The following FNIP1 variants were observed in gnomAD, a reference collection of about 807,000 sequenced individuals.
FNIP1 encodes the protein folliculin interacting protein 1, also known as folliculin-interacting protein 1.
FNIP1 carries 40 observed loss-of-function variants against 124.5 expected under a neutral mutation model. That is an observed-to-expected ratio of 0.32 (90% confidence interval 0.25 to 0.42). FNIP1 has a LOEUF of 0.42. Among genes scored for constraint, FNIP1 ranks in the 10% least tolerant of loss-of-function variants. The pLI is 1.00. For synonymous variants in FNIP1, 472 were observed against 470.6 expected, an observed-to-expected ratio of 1.00 and a Z score of -0.04; for missense variants, 1,176 against 1,403.7, an observed-to-expected ratio of 0.84 and a Z score of 2.59.
At chr5:131,699,881 T>C (rs1252839502) in intron 10 of FNIP1, among the ~76,000 whole-genome samples, 1 of 119,802 alleles carries the variant, frequency 8.3e-6, no homozygotes, top group Non-Finnish European at 1.6e-5. Flanking sequence ...ATGCCACTGC[T>C]GCACTCCAGC....
intron 13 of FNIP1, among the ~76,000 whole-genome samples, chr5:131,675,107 C>T (rs372641588): frequency 6.0e-4 from 91 of 152,298 alleles, no homozygotes; most frequent in South Asian, 4.1e-3. Context: ...CATCCTTATT[C>T]GCACAAAGCC....
chr5:131,766,228 G>T (rs1431212465), intron 1 of FNIP1, among the ~76,000 whole-genome samples: 1 of 151,890 alleles, frequency 6.6e-6, no homozygotes. Flanking sequence ...GAGGACTACA[G>T]AAAGGGTCTT....
intron 1 of FNIP1, among the ~76,000 whole-genome samples, chr5:131,756,508 A>C (rs1771056858): frequency 6.6e-6 from 1 of 152,196 alleles, no homozygotes; most frequent in South Asian, 2.1e-4. Flanking sequence ...GTTGAGGGGA[A>C]GGAATCAGAA....
chr5:131,725,140 C>A lies in FNIP1; in HGVS notation c.355-5723G>T, dbSNP rs183927998. 2.0e-5 allele frequency among the ~76,000 whole-genome samples: 3 copies of A among 152,260 alleles called. No homozygotes were observed. In the East Asian group the frequency reaches 5.8e-4, roughly 29 times the overall value. On this transcript the variant is annotated intron_variant, in intron 3 of 17. Coordinates refer to ENST00000510461, the MANE Select transcript of FNIP1 (RefSeq NM_133372.3). ...AGTTTGAAGTCAGGTAGCGTGATGCCTCCAGCTTTGTTCTTTTGGCTTAGG... is the reference window on the plus strand; with the variant it reads ...AGTTTGAAGTCAGGTAGCGTGATGCATCCAGCTTTGTTCTTTTGGCTTAGG...
At chr5:131,771,415 G>C (rs914413645) in intron 1 of FNIP1, among the ~76,000 whole-genome samples, 1 of 152,126 alleles carries the variant, frequency 6.6e-6, no homozygotes, top group African/African-American at 2.4e-5. Flanking sequence ...GGATAGGAAA[G>C]AACTGGCCAG....
intron 1 of FNIP1, among the ~76,000 whole-genome samples, chr5:131,759,949 C>T (rs903727034): frequency 4.6e-5 from 7 of 152,134 alleles, no homozygotes; most frequent in African/African-American, 1.4e-4. Flanking sequence ...AACATGGAGG[C>T]GGCTGGAAGC....
At chr5:131,732,810 G>A (rs1413284637) in intron 2 of FNIP1, among the ~76,000 whole-genome samples, 3 of 152,128 alleles carry the variant, frequency 2.0e-5, no homozygotes, top group Non-Finnish European at 2.9e-5. Context: ...TTGGCAATGT[G>A]GGCTCTTTTT....
At chr5:131,709,313 C>T (rs1769215361) in intron 7 of FNIP1, 41 bp from the exon 8 acceptor site, 2 of 1,533,318 alleles carry the variant, frequency 1.3e-6, no homozygotes, top group Non-Finnish European at 9.0e-7. Context: ...AAATATATTG[C>T]TATTCAGGTG....
intron 10 of FNIP1, among the ~76,000 whole-genome samples, chr5:131,702,727 C>T (rs1468115199): frequency 2.0e-5 from 3 of 152,172 alleles, no homozygotes; most frequent in African/African-American, 4.8e-5. Context: ...ATTTACTATA[C>T]ATATTTGTAT....
At chr5:131,666,177 G>A (rs534763935) in intron 15 of FNIP1, among the ~76,000 whole-genome samples, 4 of 152,244 alleles carry the variant, frequency 2.6e-5, no homozygotes, top group East Asian at 3.9e-4. Flanking sequence ...GTGAGCCACC[G>A]TGCCTGGCCA....
intron 6 of FNIP1, among the ~76,000 whole-genome samples, chr5:131,713,575 C>A (rs1769372111): frequency 8.4e-6 from 1 of 119,678 alleles, no homozygotes; most frequent in Admixed American, 9.3e-5. Context: ...CTACAATATA[C>A]CTATCTAACT....
At chr5:131,648,561 T>C (rs1236449260) in intron 16 of FNIP1, among the ~76,000 whole-genome samples, 1 of 152,186 alleles carries the variant, frequency 6.6e-6, no homozygotes, top group Non-Finnish European at 1.5e-5. Context: ...TTATAGTGTA[T>C]GTTTTTTCAC....
intron 3 of FNIP1, among the ~76,000 whole-genome samples, chr5:131,721,613 A>G (rs559307605): frequency 5.6e-4 from 85 of 152,290 alleles, no homozygotes; most frequent in Admixed American, 1.4e-3. Flanking sequence ...CCTGGCCAAC[A>G]TGGTGAAACC....
intron 3 of FNIP1, among the ~76,000 whole-genome samples, chr5:131,726,986 AAT>A (rs1769899059): frequency 6.6e-6 from 1 of 152,156 alleles, no homozygotes; most frequent in African/African-American, 2.4e-5. Flanking sequence ...CCTGAATTCT[AAT>A]TTGATTGCAC....
In FNIP1 at chr5:131,693,333, C is replaced by CACATATATAT. The variant is rs1290529554; in HGVS notation, c.1202+5583_1202+5584insATATATATGT. 6.9e-3 allele frequency among the ~76,000 whole-genome samples: 346 copies of CACATATATAT among 50,140 alleles called. 11 individuals are homozygous for CACATATATAT. The highest frequency in any genetic ancestry group is 0.017 in the African/African-American group (245 of 14,704). 32.9% of individuals were successfully genotyped at this position (50,140 alleles called of 152,430 possible). On this transcript the variant is annotated intron_variant, in intron 11 of 17. Transcript: ENST00000510461. ...ATATATATACACATATATATATATACATATATATATATATATATATATATA... is the reference window on the plus strand; with the variant it reads ...ATATATATACACATATATATATATACACATATATATATATATATATATATATATATATATA...
At chr5:131,719,452 A>C in intron 3 of FNIP1, 35 bp from the exon 4 acceptor site, 1 of 1,545,078 alleles carries the variant, frequency 6.5e-7, no homozygotes, top group Non-Finnish European at 8.8e-7. Flanking sequence ...AACTGTGTTA[A>C]TTAAAAGCTT....
intron 1 of FNIP1, among the ~76,000 whole-genome samples, chr5:131,758,588 G>GT (rs1771124905): frequency 6.6e-6 from 1 of 152,132 alleles, no homozygotes; most frequent in African/African-American, 2.4e-5. Context: ...TTAAACGTTG[G>GT]TAAGAAAACT....
intron 1 of FNIP1, chr5:131,796,552 G>A (rs1772603345): frequency 4.0e-6 from 2 of 502,488 alleles, no homozygotes; most frequent in East Asian, 7.1e-5. Flanking sequence ...TGCTAGGTCC[G>A]GAGGAGCAGA....
intron 1 of FNIP1, among the ~76,000 whole-genome samples, chr5:131,788,442 GCAGATCAC>G (rs1429353326): frequency 6.6e-6 from 1 of 152,126 alleles, no homozygotes; most frequent in Non-Finnish European, 1.5e-5. Flanking sequence ...GCCAAGAAGG[GCAGATCAC>G]CTGAGGTCAG....
Sources: gnomAD v4.1 joint callset for allele counts (sites outside exome capture counted in the v4.1 genomes callset) on GRCh38, gnomAD v4.1.1 for gene constraint, MANE v1.5 for transcripts, NCBI Gene and HGNC (gene_info 2026-07-23, HGNC 2026-07-21) for gene names.